FBN1: variants seen among roughly 807,000 people sequenced by gnomAD.
FBN1 encodes the protein fibrillin 1.
Under a neutral mutation model 365.1 loss-of-function variants are expected in FBN1, and 29 were observed. The ratio of observed to expected loss-of-function variants is 0.08; its 90% CI spans 0.06 to 0.11. The LOEUF (loss-of-function observed/expected upper bound fraction) is 0.11. Among genes scored for constraint, FBN1 ranks in the 10% least tolerant of loss-of-function variants. The pLI is 1.00. For missense variants in FBN1, 2,476 were observed against 3,703.2 expected, an observed-to-expected ratio of 0.67 and a Z score of 8.60; for synonymous variants, 1,210 against 1,270.5, an observed-to-expected ratio of 0.95 and a Z score of 1.01.
At position 48,615,405 on chromosome 15, in the gene FBN1, G is replaced by C. The variant is rs113258777; in HGVS notation, c.165-2313C>G. ...AAGAAGCTCAGAAACAAAGGATCCA[G>C]AATAACAATTTCAGTCCTACAAAGC... On this transcript the variant is annotated intron_variant, in intron 2 of 65. Coordinates refer to ENST00000316623, the MANE Select transcript of FBN1 (RefSeq NM_000138.5). Among the ~76,000 whole-genome samples, 12 of 152,060 alleles carry C rather than the reference G, an allele frequency of 7.9e-5. 1 individual carries two copies. Among genetic ancestry groups the C allele is most frequent in the African/African-American group, 2.7e-4 (11 of 41,484 alleles).
chr15:48,529,216 C>T (rs1175797831), intron 8 of FBN1: 1 of 152,318 alleles, frequency 6.6e-6, no homozygotes, highest in Admixed American at 6.5e-5. Flanking sequence ...TTTCTCCCTG[C>T]TTCCTTGAGG....
Position 48,411,335 on chromosome 15 carries a change from A to T in FBN1, c.8271T>A (p.Asp2757Glu). Residue 2757 changes from aspartate (D) to glutamate (E), a missense_variant, in exon 66 of 66, where the codon GAT (aspartate) becomes GAA (glutamate). By Grantham distance (45) the Asp-to-Glu change is conservative (BLOSUM62 2). This residue lies in a region of FBN1 where 177 missense variants were observed against 192.7 expected (regional missense o/e 0.92). Coordinates refer to ENST00000316623, the MANE Select transcript of FBN1 (RefSeq NM_000138.5). ...AAGCAAAGATGGCTGTCTTCTCAAC[A>T]TCCCAACTTGCAAGACTCACATTGG... ...TEANVSLASWDVEKTAIFAFN... is the reference protein window; with the variant it reads ...TEANVSLASWEVEKTAIFAFN... 1.2e-6 allele frequency: 2 copies of T among 1,614,144 alleles called. No homozygotes were observed. The highest frequency in any genetic ancestry group is 2.7e-5 in the African/African-American group (2 of 75,056).
intron 29 of FBN1, 64 bp from the exon 30 acceptor site, chr15:48,485,560 C>T (rs1401400854): frequency 6.3e-7 from 1 of 1,581,742 alleles, no homozygotes; most frequent in African/African-American, 1.3e-5. Flanking sequence ...CTCCAATACT[C>T]GTGTTGAAAT....
chr15:48,570,754 T>C (rs367814512), intron 6 of FBN1, among the ~76,000 whole-genome samples: 1 of 152,184 alleles, frequency 6.6e-6, no homozygotes, highest in Non-Finnish European at 1.5e-5. Context: ...TCTGCAGTCA[T>C]GGAGCTAAAA....
chr15:48,486,317 C>T (rs2043506345), intron 29 of FBN1, among the ~76,000 whole-genome samples: 1 of 152,132 alleles, frequency 6.6e-6, no homozygotes, highest in South Asian at 2.1e-4. Context: ...AAACTTTGGG[C>T]TGATTTATGG....
chr15:48,603,680 T>G (rs1375067763), intron 4 of FBN1, among the ~76,000 whole-genome samples: 1 of 152,200 alleles, frequency 6.6e-6, no homozygotes, highest in Admixed American at 6.5e-5. Flanking sequence ...ACACCCATAA[T>G]GATGCTGTAT....
intron 6 of FBN1, among the ~76,000 whole-genome samples, chr15:48,586,723 A>T (rs906692796): frequency 6.6e-6 from 1 of 152,202 alleles, no homozygotes; most frequent in African/African-American, 2.4e-5. Context: ...AATAATGAAG[A>T]TCTTCCTCCA....
Position 48,445,523 on chromosome 15 carries a change from C to A in FBN1, c.5789-19G>T. Reference sequence around the variant, plus strand: ...TCAACATCTGCAGAAAAATCCCCAACAATCCTTTAATATATTCCAAAGATG... The same window carrying A: ...TCAACATCTGCAGAAAAATCCCCAAAAATCCTTTAATATATTCCAAAGATG... On this transcript the variant is annotated intron_variant, in intron 47 of 65. Coordinates refer to ENST00000316623, the MANE Select transcript of FBN1 (RefSeq NM_000138.5). 6.2e-7 allele frequency: 1 copy of A among 1,610,542 alleles called. No individual in the cohort carries two copies.
intron 53 of FBN1, among the ~76,000 whole-genome samples, chr15:48,435,385 T>A (rs1192614006): frequency 2.0e-5 from 3 of 151,516 alleles, no homozygotes; most frequent in Non-Finnish European, 4.4e-5. Flanking sequence ...CAGAAATACA[T>A]CCACAGTTTG....
chr15:48,633,337 G>T (rs1247187123), intron 2 of FBN1, among the ~76,000 whole-genome samples: 1 of 152,006 alleles, frequency 6.6e-6, no homozygotes. Context: ...GTATAGTTTG[G>T]ATAACTGAGC....
chr15:48,480,637 A>T (rs1482938178), intron 32 of FBN1, among the ~76,000 whole-genome samples: 1 of 152,156 alleles, frequency 6.6e-6, no homozygotes, highest in Non-Finnish European at 1.5e-5. Context: ...GGCCAGTTTG[A>T]AACAATAATA....
rs145987705 is a variant in FBN1, at chr15:48,471,279, T to C, written c.4337-523A>G. On this transcript the variant is annotated intron_variant, in intron 35 of 65. Transcript: ENST00000316623. The stretch of plus-strand genomic sequence containing the variant: ...CTTCCAGGCCTCTGTCTCTGCCTCC[T>C]GTTAACATTCTTCGTGTGCAGTTGA... Among the ~76,000 whole-genome samples, 285 of 152,318 alleles carry C rather than the reference T, an allele frequency of 1.9e-3. 1 individual carries two copies. The highest frequency in any genetic ancestry group is 6.4e-3 in the African/African-American group (268 of 41,580).
intron 3 of FBN1, among the ~76,000 whole-genome samples, chr15:48,612,722 C>G (rs2044666432): frequency 6.6e-6 from 1 of 152,018 alleles, no homozygotes; most frequent in Non-Finnish European, 1.5e-5. Context: ...AGCAATAATA[C>G]CCTTTCATTC....
In FBN1 at chr15:48,433,190, C is replaced by A. The variant is rs1022149153; in HGVS notation, c.6617-202G>T. Among the ~76,000 whole-genome samples, 4 of 152,182 alleles carry A rather than the reference C, an allele frequency of 2.6e-5. No homozygotes were observed. The East Asian group carries it at 7.7e-4, about 29-fold the overall frequency. ...TATTTGGTATAAACAGAGTGACTCT[C>A]CATCCCGGTTCTCCCAGCACAGTCC... On this transcript the variant is annotated intron_variant, in intron 54 of 65. Coordinates refer to ENST00000316623, the MANE Select transcript of FBN1 (RefSeq NM_000138.5).
intron 6 of FBN1, among the ~76,000 whole-genome samples, chr15:48,569,328 T>G (rs1192306309): frequency 6.6e-6 from 1 of 152,088 alleles, no homozygotes; most frequent in Admixed American, 6.5e-5. Context: ...AAAATAGTTG[T>G]GAGAATATGG....
intron 58 of FBN1, 123 bp from the exon 59 acceptor site, chr15:48,425,987 A>G (rs1597516633): frequency 2.7e-6 from 2 of 751,356 alleles, no homozygotes; most frequent in Non-Finnish European, 4.6e-6. Flanking sequence ...TAAGAAATTA[A>G]ACCAGTAAGA....
chr15:48,437,594 T>C (rs983261859), intron 51 of FBN1, 174 bp downstream of exon 51: 6 of 846,008 alleles, frequency 7.1e-6, no homozygotes, highest in Non-Finnish European at 9.3e-6. Context: ...ATGACATAAT[T>C]AAAAAGAAAA....
In FBN1 at chr15:48,607,633, G is replaced by A. The variant is rs1315829824; in HGVS notation, c.346+3095C>T. 2.0e-5 allele frequency among the ~76,000 whole-genome samples: 3 copies of A among 152,000 alleles called. No homozygotes were observed. In the East Asian group the frequency reaches 5.8e-4, roughly 29 times the overall value. On this transcript the variant is annotated intron_variant, in intron 4 of 65. Transcript: ENST00000316623. The stretch of plus-strand genomic sequence containing the variant: ...CCTTCACCAGACATGTAATCTGCTG[G>A]CCTCTTGATCTTGGACTTCCCAGCC...
rs142094886 is a variant in FBN1, at chr15:48,429,982, G to A, written c.6871+689C>T. Among the ~76,000 whole-genome samples, 866 of 152,310 alleles carry A rather than the reference G, an allele frequency of 5.7e-3. 5 individuals are homozygous for A. The highest frequency in any genetic ancestry group is 0.02 in the Middle Eastern group (6 of 294). On this transcript the variant is annotated intron_variant, in intron 56 of 65. Coordinates refer to ENST00000316623, the MANE Select transcript of FBN1 (RefSeq NM_000138.5). ...AATAGGAAATATTTTAGGCTTTGTG[G>A]GTCATATGGTCTCAGTTGCAACCAC... is the stretch of plus-strand genomic sequence containing the variant.
Sources: allele counts gnomAD v4.1 joint callset (sites outside exome capture counted in the v4.1 genomes callset), GRCh38; gene constraint gnomAD v4.1.1; regional missense constraint gnomAD v4.1.1; transcripts MANE v1.5; gene names NCBI Gene and HGNC (gene_info 2026-07-23, HGNC 2026-07-21).